The following MICAL2 variants were observed in gnomAD, a reference collection of about 807,000 sequenced individuals.
The protein encoded by MICAL2 is [F-actin]-monooxygenase MICAL2.
MICAL2 carries 77 observed loss-of-function variants against 127.3 expected under a neutral mutation model. That is an observed-to-expected ratio of 0.60 (90% CI 0.50 to 0.73). The LOEUF is 0.73. Ranked by LOEUF, MICAL2 falls within the 30% of genes least tolerant of loss-of-function variation. The pLI, the probability that MICAL2 is intolerant of heterozygous loss-of-function variation, is 0.00. For missense variants in MICAL2, 1,351 were observed against 1,434.4 expected, an observed-to-expected ratio of 0.94 and a Z score of 0.94; for synonymous variants, 570 against 551.1, an observed-to-expected ratio of 1.03 and a Z score of -0.48.
chr11:12,322,501 G>A (rs1864309957), intron 30 of MICAL2, among the ~76,000 whole-genome samples: 1 of 152,124 alleles, frequency 6.6e-6, no homozygotes, highest in South Asian at 2.1e-4. Context: ...AGGATTTTAG[G>A]TCCTAAGGAG....
At chr11:12,307,032 G>C (rs1864119340) in intron 29 of MICAL2, among the ~76,000 whole-genome samples, 1 of 152,162 alleles carries the variant, frequency 6.6e-6, no homozygotes, top group African/African-American at 2.4e-5. Context: ...TTTTAAACTT[G>C]TCAAATTATT....
intron 1 of MICAL2, among the ~76,000 whole-genome samples, chr11:12,134,682 A>G (rs1851697929): frequency 6.6e-6 from 1 of 152,188 alleles, no homozygotes; most frequent in African/African-American, 2.4e-5. Flanking sequence ...AAGGCACAGA[A>G]ACCAAACTTG....
intron 29 of MICAL2, among the ~76,000 whole-genome samples, chr11:12,311,645 A>T (rs1864175715): frequency 1.3e-5 from 2 of 152,198 alleles, no homozygotes; most frequent in Admixed American, 1.3e-4. Context: ...CCTTGGCCTG[A>T]TCCACCTGCC....
intron 1 of MICAL2, among the ~76,000 whole-genome samples, chr11:12,136,669 A>G (rs373215671): frequency 6.6e-6 from 1 of 152,104 alleles, no homozygotes; most frequent in East Asian, 1.9e-4. Context: ...AGGACCTTCT[A>G]ATTTGTTGGT....
At position 12,262,525 on chromosome 11, in the gene MICAL2, C is replaced by T; in HGVS notation, c.*5C>T. On this transcript the variant is annotated 3_prime_UTR_variant, in exon 27 of 28. Coordinates refer to ENST00000683283, the MANE Select transcript of MICAL2 (RefSeq NM_001282663.2). ...CTACACCCACTTCTTGGCTGACACA[C>T]TTCTGCTCTAAGGTGACTGGTTTTC... 1 of 1,612,968 alleles carries T rather than the reference C, an allele frequency of 6.2e-7. No individual in the cohort carries two copies. Among genetic ancestry groups the T allele is most frequent in the Non-Finnish European group, 8.5e-7 (1 of 1,179,022 alleles).
chr11:12,213,490 T>C, intron 7 of MICAL2, 80 bp downstream of exon 7: 1 of 1,440,334 alleles, frequency 6.9e-7, no homozygotes. Flanking sequence ...GTGTGCTGGC[T>C]TTCTGGGCTC....
chr11:12,320,674 T>C (rs1236093795), intron 30 of MICAL2, among the ~76,000 whole-genome samples: 2 of 152,010 alleles, frequency 1.3e-5, no homozygotes, highest in South Asian at 2.1e-4. Flanking sequence ...CCAAATTTAT[T>C]TACTTACACT....
At chr11:12,181,760 A>G (rs1203732506) in intron 3 of MICAL2, among the ~76,000 whole-genome samples, 1 of 152,242 alleles carries the variant, frequency 6.6e-6, no homozygotes, top group Admixed American at 6.5e-5. Context: ...AACTGCTATT[A>G]TTTTGTCCTA....
rs567644545 is a variant in MICAL2 at position 12,230,856 on chromosome 11, C to T, written c.1995+3725C>T. 2.6e-5 allele frequency among the ~76,000 whole-genome samples: 4 copies of T among 152,300 alleles called. No individual in the cohort carries two copies. The South Asian group carries it at 8.3e-4, about 32-fold the overall frequency. On this transcript the variant is annotated intron_variant, in intron 15 of 27. Coordinates refer to ENST00000683283, the MANE Select transcript of MICAL2 (RefSeq NM_001282663.2). ...TTTCCATTCCCACCATGAGTGGTAA[C>T]CCAGTGGGTTGATTAGTTCTGAAAA...
intron 3 of MICAL2, among the ~76,000 whole-genome samples, chr11:12,179,114 C>G (rs1252448966): frequency 6.6e-6 from 1 of 152,178 alleles, no homozygotes; most frequent in African/African-American, 2.4e-5. Context: ...TCAAAACTCC[C>G]ACTGCCTGTG....
At chr11:12,180,290 A>G (rs1315712744) in intron 3 of MICAL2, among the ~76,000 whole-genome samples, 2 of 151,402 alleles carry the variant, frequency 1.3e-5, no homozygotes, top group African/African-American at 4.9e-5. Flanking sequence ...GGAATTGTAA[A>G]TCTGAGTTTT....
chr11:12,275,229 C>T (rs560310413), upstream of MICAL2, among the ~76,000 whole-genome samples: 6 of 152,196 alleles, frequency 3.9e-5, no homozygotes, highest in East Asian at 1.9e-4. Flanking sequence ...GAACTCTGTT[C>T]GGACTTGTTG....
chr11:12,268,436 C>G (rs1863632290), downstream of MICAL2, among the ~76,000 whole-genome samples: 1 of 152,212 alleles, frequency 6.6e-6, no homozygotes, highest in African/African-American at 2.4e-5. Context: ...TCCTCTGTCC[C>G]CTCTTCACTG....
chr11:12,334,488 A>G (rs970930826), intron 32 of MICAL2, among the ~76,000 whole-genome samples: 10 of 151,538 alleles, frequency 6.6e-5, no homozygotes, highest in Non-Finnish European at 1.3e-4. Flanking sequence ...TTTAGGGTAC[A>G]TGTGCGCAAC....
At chr11:12,268,343 G>A (rs994432432), downstream of MICAL2, among the ~76,000 whole-genome samples, 6 of 152,206 alleles carry the variant, frequency 3.9e-5, no homozygotes, top group Non-Finnish European at 5.9e-5. Flanking sequence ...TCCTCTCAGG[G>A]ACAAGCTGAG....
intron 30 of MICAL2, among the ~76,000 whole-genome samples, chr11:12,323,333 A>G (rs1449747148): frequency 6.6e-6 from 1 of 152,156 alleles, no homozygotes; most frequent in Non-Finnish European, 1.5e-5. Flanking sequence ...GCCAAAAAAC[A>G]CTTTCATTGG....
At chr11:12,330,250 T>C (rs1260300576) in intron 32 of MICAL2, among the ~76,000 whole-genome samples, 1 of 152,216 alleles carries the variant, frequency 6.6e-6, no homozygotes, top group Non-Finnish European at 1.5e-5. Context: ...GAGATTGCCC[T>C]GTTGCTTAAT....
intron 26 of MICAL2, chr11:12,260,148 G>A: frequency 6.5e-7 from 1 of 1,527,156 alleles, no homozygotes; most frequent in East Asian, 2.5e-5. Context: ...GGGTGCTCAG[G>A]TGCTTCCCAG....
chr11:12,219,749 G>T (rs533281767), intron 8 of MICAL2, among the ~76,000 whole-genome samples: 1 of 152,110 alleles, frequency 6.6e-6, no homozygotes, highest in Non-Finnish European at 1.5e-5. Flanking sequence ...TGTACTGAAA[G>T]TTCTCATGAG....
Sources: allele counts gnomAD v4.1 joint callset (sites outside exome capture counted in the v4.1 genomes callset), GRCh38; gene constraint gnomAD v4.1.1; transcripts MANE v1.5; gene names NCBI Gene and HGNC (gene_info 2026-07-23, HGNC 2026-07-21).